Variants in KCNH7 observed in about 807,000 individuals in gnomAD.
KCNH7 encodes potassium voltage-gated channel subfamily H member 7, also known as voltage-gated inwardly rectifying potassium channel KCNH7.
Under a neutral mutation model 120.8 loss-of-function variants are expected in KCNH7, and 49 were observed. The observed-to-expected ratio is 0.41, with a 90% CI of 0.32 to 0.51. The LOEUF (loss-of-function observed/expected upper bound fraction) is 0.51, where lower values mean the gene tolerates loss of function less well. KCNH7 is among the 20% of genes least tolerant of loss of function. The pLI, the probability that KCNH7 is intolerant of heterozygous loss-of-function variation, is 0.38. For synonymous variants in KCNH7, 547 were observed against 516.1 expected (o/e 1.06, Z -0.81); for missense variants, 1,097 against 1,446.6 (o/e 0.76, Z 3.92).
chr2:162,516,990 T>C (rs1256652905), intron 4 of KCNH7, among the ~76,000 whole-genome samples: 1 of 151,814 alleles, frequency 6.6e-6, no homozygotes, highest in Non-Finnish European at 1.5e-5. Context: ...TGAGACAATG[T>C]GTATCAAGCA....
At chr2:162,584,023 A>G (rs568288748) in intron 2 of KCNH7, among the ~76,000 whole-genome samples, 86 of 152,276 alleles carry the variant, frequency 5.6e-4, no homozygotes, top group African/African-American at 2.0e-3. Flanking sequence ...ATACATGTTC[A>G]TAGTAAAATA....
At chr2:162,493,607 C>A (rs751584486) in intron 6 of KCNH7, among the ~76,000 whole-genome samples, 2 of 152,150 alleles carry the variant, frequency 1.3e-5, no homozygotes, top group African/African-American at 4.8e-5. Context: ...GAATTAACCA[C>A]GTCACTAACT....
At chr2:162,479,337 A>G (rs1000568710) in intron 6 of KCNH7, among the ~76,000 whole-genome samples, 1 of 152,110 alleles carries the variant, frequency 6.6e-6, no homozygotes, top group African/African-American at 2.4e-5. Flanking sequence ...TAGAAATATC[A>G]GAGTTTAGAT....
rs199607401 is a variant in KCNH7 at position 162,423,324 on chromosome 2, A to C, written c.2154+12T>G. 3.6e-4 allele frequency: 576 copies of C among 1,614,034 alleles called. No homozygotes were observed. Among genetic ancestry groups the C allele is most frequent in the Non-Finnish European group, 4.7e-4 (557 of 1,179,896 alleles). On this transcript the variant is annotated intron_variant, in intron 9 of 15. Coordinates refer to ENST00000332142, the MANE Select transcript of KCNH7 (RefSeq NM_033272.4). The stretch of plus-strand genomic sequence containing the variant: ...CTGCGGCACTTTCATTTTGGAAAAC[A>C]GACATACATACCATGTTCATGTCAA...
intron 15 of KCNH7, 95 bp from the exon 16 acceptor site, chr2:162,372,190 CATT>C: frequency 9.8e-7 from 1 of 1,022,524 alleles, no homozygotes; most frequent in Non-Finnish European, 1.4e-6. Flanking sequence ...TTTCTTTCCT[CATT>C]AATCTATATT....
chr2:162,462,200 A>C (rs1689166796), intron 6 of KCNH7, among the ~76,000 whole-genome samples: 1 of 152,122 alleles, frequency 6.6e-6, no homozygotes, highest in Admixed American at 6.5e-5. Flanking sequence ...AATCAGAAAC[A>C]CTACCCATGG....
Position 162,371,869 on chromosome 2 carries a change from A to G in KCNH7, c.3551T>C (p.Leu1184Pro). 1.2e-6 allele frequency: 2 copies of G among 1,613,028 alleles called. No homozygotes were observed. The highest frequency in any genetic ancestry group is 1.7e-6 in the Non-Finnish European group (2 of 1,179,118). Residue 1184 changes from leucine (L) to proline (P), a missense_variant, in exon 16 of 16, where the codon CTT (leucine) becomes CCT (proline). Leu to Pro is a moderately conservative substitution (Grantham distance 98). Around this residue, in one of 8 missense-constraint regions of KCNH7, gnomAD observed 406 missense variants for 410.5 expected, o/e 0.99. Coordinates refer to ENST00000332142, the MANE Select transcript of KCNH7 (RefSeq NM_033272.4). ...ACCAGGATCAGAAACATGCCTATGAAGACCCACGATTCCTACAGTGCTTAG... is the reference window on the plus strand; with the variant it reads ...ACCAGGATCAGAAACATGCCTATGAGGACCCACGATTCCTACAGTGCTTAG... ...SSLSTVGIVG[L>P]HRHVSDPGLP...
chr2:162,510,828 A>G (rs965839483), intron 5 of KCNH7, among the ~76,000 whole-genome samples: 1 of 151,720 alleles, frequency 6.6e-6, no homozygotes, highest in African/African-American at 2.4e-5. Flanking sequence ...AAAATCTTAG[A>G]GGCAGACACT....
chr2:162,470,694 A>G (rs1014585983), intron 6 of KCNH7, among the ~76,000 whole-genome samples: 3 of 147,584 alleles, frequency 2.0e-5, no homozygotes, highest in Non-Finnish European at 4.5e-5. Flanking sequence ...AGCCGCCCCT[A>G]CTGGGAAGTG....
chr2:162,655,129 T>C (rs1238149550), intron 2 of KCNH7, among the ~76,000 whole-genome samples: 2 of 152,146 alleles, frequency 1.3e-5, no homozygotes, highest in Non-Finnish European at 1.5e-5. Flanking sequence ...GTAGATTTTG[T>C]GTTCTCACAA....
intron 2 of KCNH7, among the ~76,000 whole-genome samples, chr2:162,791,600 G>A (rs952527325): frequency 2.6e-5 from 4 of 151,970 alleles, no homozygotes; most frequent in African/African-American, 9.7e-5. Flanking sequence ...TTGGTGTATA[G>A]GAATGCTAGT....
intron 7 of KCNH7, among the ~76,000 whole-genome samples, chr2:162,440,292 AGAAT>A (rs1196228757): frequency 6.6e-6 from 1 of 152,030 alleles, no homozygotes; most frequent in Admixed American, 6.5e-5. Context: ...CAGGGTTGAT[AGAAT>A]GAATGATCAC....
At chr2:162,583,169 A>G (rs1270511053) in intron 2 of KCNH7, among the ~76,000 whole-genome samples, 1 of 152,056 alleles carries the variant, frequency 6.6e-6, no homozygotes, top group African/African-American at 2.4e-5. Flanking sequence ...TGGTTATGAT[A>G]TATTTAGGGA....
chr2:162,714,748 C>T (rs554136320), intron 2 of KCNH7, among the ~76,000 whole-genome samples: 29 of 152,218 alleles, frequency 1.9e-4, no homozygotes, highest in Admixed American at 5.9e-4. Context: ...GGCTGTGTTC[C>T]GGTGAAACTT....
intron 2 of KCNH7, among the ~76,000 whole-genome samples, chr2:162,688,913 T>C (rs2105325054): frequency 6.6e-6 from 1 of 152,042 alleles, no homozygotes. Flanking sequence ...CTTTTTCTGT[T>C]GCTTATTTGC....
chr2:162,389,625 A>C (rs867412722), intron 12 of KCNH7, among the ~76,000 whole-genome samples: 1 of 152,054 alleles, frequency 6.6e-6, no homozygotes, highest in African/African-American at 2.4e-5. Flanking sequence ...TAGTTAAAAA[A>C]TATACCAATA....
chr2:162,588,535 C>T (rs972265446), intron 2 of KCNH7, among the ~76,000 whole-genome samples: 2 of 151,976 alleles, frequency 1.3e-5, no homozygotes, highest in Admixed American at 6.6e-5. Context: ...AAATTTGTCC[C>T]TCTTAATTCA....
intron 2 of KCNH7, among the ~76,000 whole-genome samples, chr2:162,762,283 ATG>A (rs756325209): frequency 1.2e-4 from 18 of 151,368 alleles, no homozygotes; most frequent in Admixed American, 6.0e-4. Flanking sequence ...ATATATACAT[ATG>A]TGTGTGTGTG....
At chr2:162,469,275 CAT>C (rs936648922) in intron 6 of KCNH7, among the ~76,000 whole-genome samples, 1 of 152,054 alleles carries the variant, frequency 6.6e-6, no homozygotes, top group Non-Finnish European at 1.5e-5. Context: ...AGAGCAAAAT[CAT>C]ATTTTAGTAC....
Sources: gnomAD v4.1 joint callset for allele counts (sites outside exome capture counted in the v4.1 genomes callset) on GRCh38, gnomAD v4.1.1 for gene constraint, gnomAD v4.1.1 regional missense constraint, MANE v1.5 for transcripts, NCBI Gene and HGNC (gene_info 2026-07-23, HGNC 2026-07-21) for gene names.